The following CHST11 variants were observed in gnomAD, a reference collection of about 807,000 sequenced individuals.
CHST11 encodes the protein carbohydrate sulfotransferase 11.
Under a neutral mutation model 30.4 loss-of-function variants are expected in CHST11, and 9 were observed. The ratio of observed to expected loss-of-function variants is 0.30; its 90% CI spans 0.18 to 0.52. The LOEUF (loss-of-function observed/expected upper bound fraction) is 0.52, where lower values mean the gene tolerates loss of function less well. Among genes scored for constraint, CHST11 ranks in the 20% least tolerant of loss-of-function variants. The probability of loss-of-function intolerance (pLI) is 0.97; values close to 1 mark genes in which losing one functional copy is unlikely to be tolerated. For missense variants in CHST11, 348 were observed against 460.6 expected, an observed-to-expected ratio of 0.76 and a Z score of 2.24; for synonymous variants, 152 against 187.8, an observed-to-expected ratio of 0.81 and a Z score of 1.56.
At chr12:104,476,065 C>T (rs534603042) in intron 1 of CHST11, among the ~76,000 whole-genome samples, 1 of 138,986 alleles carries the variant, frequency 7.2e-6, no homozygotes, top group East Asian at 2.0e-4. Flanking sequence ...TATATAATTA[C>T]ATATATGTAG....
chr12:104,723,897 G>C lies in CHST11; in HGVS notation c.205-33052G>C, dbSNP rs140605527. On this transcript the variant is annotated intron_variant, in intron 2 of 2. Coordinates refer to ENST00000303694, the MANE Select transcript of CHST11 (RefSeq NM_018413.6). ...GACACAAGCTATGTGGATGAGCCTT[G>C]AGGGTTCATACTGGGGAAGTAGGAG... is the stretch of plus-strand genomic sequence containing the variant. Among the ~76,000 whole-genome samples, 494 of 152,342 alleles carry C rather than the reference G, an allele frequency of 3.2e-3. 1 individual carries two copies. The highest frequency in any genetic ancestry group is 0.01 in the Middle Eastern group (3 of 294).
At chr12:104,726,762 G>A (rs773437476) in intron 2 of CHST11, among the ~76,000 whole-genome samples, 2 of 152,134 alleles carry the variant, frequency 1.3e-5, no homozygotes, top group Non-Finnish European at 1.5e-5. Context: ...AAATATCCCC[G>A]ACATACACAT....
chr12:104,593,003 G>C (rs368859691), intron 1 of CHST11, among the ~76,000 whole-genome samples: 1 of 152,190 alleles, frequency 6.6e-6, no homozygotes, highest in Non-Finnish European at 1.5e-5. Flanking sequence ...GAGTATTAGA[G>C]TCCCCACTGG....
chr12:104,755,844 C>T (rs1160130265), intron 2 of CHST11, among the ~76,000 whole-genome samples: 1 of 151,974 alleles, frequency 6.6e-6, no homozygotes, highest in Non-Finnish European at 1.5e-5. Flanking sequence ...AGGGGAGAAT[C>T]CCAGATGGGC....
intron 1 of CHST11, among the ~76,000 whole-genome samples, chr12:104,497,909 C>CT (rs1205174607): frequency 0.017 from 1,303 of 75,464 alleles, 12 homozygotes; most frequent in African/African-American, 0.022. Flanking sequence ...CCTGCCCCCT[C>CT]TTTTTTTTTT....
At chr12:104,658,730 C>T (rs189566857) in intron 2 of CHST11, among the ~76,000 whole-genome samples, 6 of 152,316 alleles carry the variant, frequency 3.9e-5, no homozygotes, top group East Asian at 3.9e-4. Flanking sequence ...GTACCCTGTT[C>T]GCTCCATAAT....
intron 2 of CHST11, among the ~76,000 whole-genome samples, chr12:104,635,618 T>C (rs1379153798): frequency 6.6e-6 from 1 of 152,214 alleles, no homozygotes; most frequent in Non-Finnish European, 1.5e-5. Flanking sequence ...TGACAGAGCC[T>C]TAGGACATGT....
At chr12:104,686,205 G>A (rs1421871664) in intron 2 of CHST11, among the ~76,000 whole-genome samples, 2 of 140,890 alleles carry the variant, frequency 1.4e-5, no homozygotes, top group Admixed American at 7.8e-5. Context: ...GCACTTCAAC[G>A]TGATCACAAA....
At chr12:104,593,383 G>A (rs999547233) in intron 1 of CHST11, among the ~76,000 whole-genome samples, 3 of 152,188 alleles carry the variant, frequency 2.0e-5, no homozygotes, top group South Asian at 4.1e-4. Flanking sequence ...GGGACTGGGT[G>A]AGGGAAGGAA....
chr12:104,642,181 C>T (rs1464809203), intron 2 of CHST11, among the ~76,000 whole-genome samples: 1 of 151,904 alleles, frequency 6.6e-6, no homozygotes, highest in Admixed American at 6.6e-5. Flanking sequence ...TAGAAATGAT[C>T]AAAATATCAT....
At chr12:104,754,349 C>T (rs959509561) in intron 2 of CHST11, among the ~76,000 whole-genome samples, 1 of 152,178 alleles carries the variant, frequency 6.6e-6, no homozygotes, top group Non-Finnish European at 1.5e-5. Flanking sequence ...CCTGCCACAG[C>T]TCTGTGGGTA....
chr12:104,525,761 G>T (rs1394211950), intron 1 of CHST11, among the ~76,000 whole-genome samples: 4 of 152,138 alleles, frequency 2.6e-5, no homozygotes, highest in Non-Finnish European at 4.4e-5. Flanking sequence ...GTCATTGGAG[G>T]GTTTCTGTGG....
intron 1 of CHST11, among the ~76,000 whole-genome samples, chr12:104,594,005 A>G (rs1390787080): frequency 1.3e-5 from 2 of 152,200 alleles, no homozygotes; most frequent in African/African-American, 4.8e-5. Context: ...TTCATTTGCT[A>G]TTAGTAAGTC....
chr12:104,628,323 C>G (rs1463780374), intron 2 of CHST11, among the ~76,000 whole-genome samples: 10 of 152,144 alleles, frequency 6.6e-5, no homozygotes, highest in Admixed American at 6.5e-4. Context: ...CCACAGGGCT[C>G]GCTGACTGCA....
intron 2 of CHST11, among the ~76,000 whole-genome samples, chr12:104,642,875 A>T (rs1252025347): frequency 6.6e-6 from 1 of 152,168 alleles, no homozygotes; most frequent in African/African-American, 2.4e-5. Flanking sequence ...TTAAGAAATT[A>T]TGCAACTAGA....
intron 1 of CHST11, among the ~76,000 whole-genome samples, chr12:104,481,243 C>T (rs902310000): frequency 4.6e-5 from 7 of 152,182 alleles, no homozygotes; most frequent in African/African-American, 1.4e-4. Context: ...TGTTCCCCTG[C>T]CCAGCTGGAC....
At chr12:104,585,691 T>C (rs1013150865) in intron 1 of CHST11, among the ~76,000 whole-genome samples, 3 of 152,180 alleles carry the variant, frequency 2.0e-5, no homozygotes, top group Admixed American at 6.5e-5. Context: ...CCATGACAAA[T>C]TCCCACACAC....
At chr12:104,699,211 A>G (rs1356094458) in intron 2 of CHST11, among the ~76,000 whole-genome samples, 3 of 152,216 alleles carry the variant, frequency 2.0e-5, no homozygotes, top group African/African-American at 7.2e-5. Context: ...ATATACTGAG[A>G]TTGAGAACTG....
At chr12:104,708,584 C>T (rs770850772) in intron 2 of CHST11, among the ~76,000 whole-genome samples, 57 of 152,146 alleles carry the variant, frequency 3.7e-4, no homozygotes, top group Non-Finnish European at 7.5e-4. Context: ...GTCCCTACTC[C>T]GTCCTCCAAG....
Sources: allele counts gnomAD v4.1 joint callset (sites outside exome capture counted in the v4.1 genomes callset), GRCh38; gene constraint gnomAD v4.1.1; transcripts MANE v1.5; gene names NCBI Gene and HGNC (gene_info 2026-07-23, HGNC 2026-07-21).